NECAB1: variants seen among roughly 807,000 people sequenced by gnomAD.
NECAB1 encodes the protein N-terminal EF-hand calcium-binding protein 1.
In NECAB1, 29 loss-of-function variants were observed where a neutral mutation model predicts 57.5. The observed-to-expected ratio is 0.50, with a 90% confidence interval of 0.38 to 0.69. NECAB1 has a LOEUF of 0.69. Ranked by LOEUF, NECAB1 falls within the 30% of genes least tolerant of loss-of-function variation. The probability of loss-of-function intolerance (pLI) is 0.00; values close to 1 mark genes in which losing one functional copy is unlikely to be tolerated. For missense variants in NECAB1, 372 were observed against 413.8 expected, an observed-to-expected ratio of 0.90 and a Z score of 0.88; for synonymous variants, 142 against 147.7, an observed-to-expected ratio of 0.96 and a Z score of 0.28.
intron 12 of NECAB1, among the ~76,000 whole-genome samples, chr8:90,953,807 G>T (rs1434499194): frequency 6.6e-6 from 1 of 152,122 alleles, no homozygotes; most frequent in African/African-American, 2.4e-5. Flanking sequence ...TATGGCTCAC[G>T]CCTGTAATCC....
intron 3 of NECAB1, among the ~76,000 whole-genome samples, chr8:90,861,705 CACAA>C (rs1808387051): frequency 1.3e-5 from 2 of 152,286 alleles, no homozygotes; most frequent in East Asian, 1.9e-4. Context: ...ATTCGATCTT[CACAA>C]ACAATGTTGT....
At chr8:90,846,250 C>T (rs1586053801) in intron 3 of NECAB1, among the ~76,000 whole-genome samples, 2 of 152,180 alleles carry the variant, frequency 1.3e-5, no homozygotes, top group Admixed American at 6.5e-5. Context: ...CCCTTTTGGT[C>T]ACTGGTATTT....
chr8:90,914,968 A>C (rs1809916724), intron 5 of NECAB1, among the ~76,000 whole-genome samples: 1 of 152,196 alleles, frequency 6.6e-6, no homozygotes, highest in Non-Finnish European at 1.5e-5. Flanking sequence ...ACTAACTATA[A>C]TTTTTTAATC....
chr8:90,795,708 T>TCACACACACA (rs59863984), intron 1 of NECAB1, among the ~76,000 whole-genome samples: 9 of 147,878 alleles, frequency 6.1e-5, no homozygotes, highest in African/African-American at 2.2e-4. Flanking sequence ...CTCATCTCTC[T>TCACACACACA]CACACACACA....
rs149103224 is a variant in NECAB1 at position 90,953,895 on chromosome 8, T to A, written c.1031-1592T>A. 1.7e-3 allele frequency among the ~76,000 whole-genome samples: 259 copies of A among 151,886 alleles called. 1 individual carries two copies. The highest frequency in any genetic ancestry group is 6.1e-3 in the African/African-American group (252 of 41,446). ...ACCAGTGGCCAATATGGTGAAATCC[T>A]CTCTTTACTAAAAAATACAAAAAAT... On this transcript the variant is annotated intron_variant, in intron 12 of 12. Transcript: ENST00000417640.
chr8:90,881,956 T>A (rs1487245123), intron 5 of NECAB1, among the ~76,000 whole-genome samples: 8 of 151,840 alleles, frequency 5.3e-5, no homozygotes, highest in African/African-American at 1.9e-4. Flanking sequence ...GTCAAGAGGG[T>A]CACAGGACAC....
In NECAB1 at chr8:90,957,687, AAAAG is replaced by A. The variant is rs1811056792; in HGVS notation, c.*2179_*2182del. The A allele has an allele frequency of 6.6e-6, 1 of 150,488 alleles. No homozygotes were observed. Among genetic ancestry groups the A allele is most frequent in the Non-Finnish European group, 1.5e-5 (1 of 67,424 alleles). The allele number at this position is 150,488 out of a possible 1,614,324, so 9.3% of individuals were successfully genotyped here. On this transcript the variant is annotated 3_prime_UTR_variant, in exon 13 of 13. Coordinates refer to ENST00000417640, the MANE Select transcript of NECAB1 (RefSeq NM_022351.5). The stretch of plus-strand genomic sequence containing the variant: ...ACTAGTAGGGCCAAAAAAAAAAAGA[AAAAG>A]AAAAAGAAAAAAGAAAAAAAAAGAA...
chr8:90,845,641 A>G lies in NECAB1; in HGVS notation c.233+20816A>G, dbSNP rs370317408. On this transcript the variant is annotated intron_variant, in intron 3 of 12. Transcript: ENST00000417640. ...ATTTCATTTTAAACCTCAAGGTACA[A>G]CACAGTATTAAGTGAAAGCTATGCA... Among the ~76,000 whole-genome samples, 97 of 152,364 alleles carry G rather than the reference A, an allele frequency of 6.4e-4. 1 individual carries two copies. The highest frequency in any genetic ancestry group is 2.0e-3 in the African/African-American group (85 of 41,586).
chr8:90,803,634 C>T (rs911517077), intron 2 of NECAB1, among the ~76,000 whole-genome samples: 2 of 152,122 alleles, frequency 1.3e-5, no homozygotes, highest in African/African-American at 4.8e-5. Flanking sequence ...CCTCACCTGC[C>T]CCCACTCTGC....
In NECAB1 at chr8:90,861,144, G is replaced by A. The variant is rs537650685; in HGVS notation, c.234-10984G>A. 1.9e-4 allele frequency among the ~76,000 whole-genome samples: 29 copies of A among 152,188 alleles called. No individual in the cohort carries two copies. The South Asian group carries it at 5.8e-3, about 31-fold the overall frequency. The stretch of plus-strand genomic sequence containing the variant: ...GTGGCTCCTCTGATTTCTGTGATGA[G>A]GCCTTTATTACAATTGTTTCCATGT... On this transcript the variant is annotated intron_variant, in intron 3 of 12. Coordinates refer to ENST00000417640, the MANE Select transcript of NECAB1 (RefSeq NM_022351.5).
At chr8:90,931,509 A>G (rs1290503738) in intron 8 of NECAB1, among the ~76,000 whole-genome samples, 1 of 152,206 alleles carries the variant, frequency 6.6e-6, no homozygotes, top group Non-Finnish European at 1.5e-5. Flanking sequence ...ATTTCTATAA[A>G]TAGGTTTCTT....
intron 3 of NECAB1, chr8:90,859,366 A>T (rs1050610065): frequency 6.6e-6 from 1 of 152,206 alleles, no homozygotes; most frequent in Admixed American, 6.5e-5. Context: ...AGAAGGTTTT[A>T]ATGTGGATGA....
chr8:90,936,325 T>C (rs1178140771), intron 9 of NECAB1, among the ~76,000 whole-genome samples: 1 of 152,174 alleles, frequency 6.6e-6, no homozygotes, highest in African/African-American at 2.4e-5. Context: ...AATAAATTTG[T>C]ATTACACTTG....
At chr8:90,799,669 G>GT (rs1811728416) in intron 1 of NECAB1, among the ~76,000 whole-genome samples, 2 of 151,918 alleles carry the variant, frequency 1.3e-5, no homozygotes, top group South Asian at 2.1e-4. Context: ...TTTTGTATCT[G>GT]TTTTTTGTAC....
chr8:90,802,959 G>T (rs973913448), intron 2 of NECAB1, among the ~76,000 whole-genome samples: 1 of 151,926 alleles, frequency 6.6e-6, no homozygotes, highest in African/African-American at 2.4e-5. Context: ...TGCAGTGGTG[G>T]GATCTTGGCT....
At position 90,955,993 on chromosome 8, in the gene NECAB1, C is replaced by G. The variant is rs1026911973; in HGVS notation, c.*481C>G. Reference sequence around the variant, plus strand: ...TTCTTCAACAATGTCTACTCCATCCCCAACCCAACTCACAGCCCTATGACT... The same window carrying G: ...TTCTTCAACAATGTCTACTCCATCCGCAACCCAACTCACAGCCCTATGACT... On this transcript the variant is annotated 3_prime_UTR_variant, in exon 13 of 13. Transcript: ENST00000417640. The G allele has an allele frequency of 1.3e-5, 2 of 152,546 alleles. No homozygotes were observed. The highest frequency in any genetic ancestry group is 4.8e-5 in the African/African-American group (2 of 41,430). The allele number at this position is 152,546 out of a possible 1,614,324, so 9.4% of individuals were successfully genotyped here. A position where few individuals can be genotyped will look rare whatever the true frequency, so the allele number is the denominator to read the frequency against.
intron 6 of NECAB1, among the ~76,000 whole-genome samples, chr8:90,924,173 A>T (rs956693019): frequency 2.6e-5 from 4 of 152,250 alleles, no homozygotes; most frequent in Non-Finnish European, 5.9e-5. Context: ...ACTCTGGGAT[A>T]TAGAACACAA....
rs1810702774 is a variant in NECAB1, at chr8:90,942,744, T to G, written c.860+1846T>G. ...TAAAAATACAAAAATTAGCTGGGCA[T>G]GGTAGCATGTGCCTGTAATCCCAGC... On this transcript the variant is annotated intron_variant, in intron 10 of 12. Transcript: ENST00000417640. Among the ~76,000 whole-genome samples, 3 of 152,152 alleles carry G rather than the reference T, an allele frequency of 2.0e-5. No homozygotes were observed. The South Asian group carries it at 6.2e-4, about 32-fold the overall frequency.
At chr8:90,953,176 C>T (rs1033666948) in intron 12 of NECAB1, among the ~76,000 whole-genome samples, 6 of 152,120 alleles carry the variant, frequency 3.9e-5, no homozygotes, top group Non-Finnish European at 7.3e-5. Context: ...CAGAAACAAC[C>T]TGATCAAAAA....
Sources: allele counts gnomAD v4.1 joint callset (sites outside exome capture counted in the v4.1 genomes callset), GRCh38; gene constraint gnomAD v4.1.1; transcripts MANE v1.5; gene names NCBI Gene and HGNC (gene_info 2026-07-23, HGNC 2026-07-21).